The following IYD variants were observed in gnomAD, a reference collection of about 807,000 sequenced individuals.
IYD encodes the protein iodotyrosine deiodinase, also known as iodotyrosine deiodinase 1.
A neutral mutation model predicts 28.4 loss-of-function variants in IYD; 25 were observed. The observed-to-expected ratio is 0.88, with a 90% CI of 0.64 to 1.23. IYD has a LOEUF of 1.23. Among genes scored for constraint, IYD ranks in the 50% most tolerant of loss-of-function variants. IYD has a pLI of 0.00. For missense variants in IYD, 352 were observed against 357.9 expected (o/e 0.98, Z 0.13); for synonymous variants, 140 against 130.8 (o/e 1.07, Z -0.48).
rs2076286 is a variant in IYD, at chr6:150,398,244, C to A, written c.*7C>A. On this transcript the variant is annotated 3_prime_UTR_variant, in exon 5 of 5. Transcript: ENST00000344419. ...GATCATGGTGACAGTGTAGGCAGGG[C>A]CCCCCAAGGGAGTGGCAGGGAGATG... 8.7e-6 allele frequency: 14 copies of A among 1,613,450 alleles called. No homozygotes were observed. Among genetic ancestry groups the A allele is most frequent in the Non-Finnish European group, 8.5e-6 (10 of 1,179,678 alleles).
rs773756635 is a variant in IYD, at chr6:150,395,351, T to G, written c.687+1096T>G. The G allele has an allele frequency of 4.2e-6, 6 of 1,427,496 alleles. No individual in the cohort carries two copies. The East Asian group carries it at 1.5e-4, about 35-fold the overall frequency. 88.4% of individuals were successfully genotyped at this position (1,427,496 alleles called of 1,614,324 possible). On this transcript the variant is annotated intron_variant, in intron 4 of 4. Transcript: ENST00000344419. ...CTATCTCAAAGAAAAACATGTATGTTGAATAACACCTCCCAAAATGTAGTC... is the reference window on the plus strand; with the variant it reads ...CTATCTCAAAGAAAAACATGTATGTGGAATAACACCTCCCAAAATGTAGTC...
intron 2 of IYD, 157 bp from the exon 3 acceptor site, chr6:150,392,188 C>T (rs1008414347): frequency 2.1e-6 from 1 of 479,666 alleles, no homozygotes; most frequent in African/African-American, 2.3e-5. Flanking sequence ...ACCAGCACAC[C>T]CTGCTAGTTA....
At chr6:150,393,020 G>C (rs369201544) in intron 3 of IYD, among the ~76,000 whole-genome samples, 4 of 152,268 alleles carry the variant, frequency 2.6e-5, no homozygotes, top group Admixed American at 6.5e-5. Context: ...AGCACAGTCC[G>C]CGTGCTCTGT....
Position 150,392,445 on chromosome 6 carries a change from G to GGAGATCA in IYD, c.472_478dup (p.Asn160ArgfsTer25). ...TTCGAAAGATCATTGAGGAGGAAGAGGAGATCAACTACATGAAAAGGATGG... is the reference window on the plus strand; with the variant it reads ...TTCGAAAGATCATTGAGGAGGAAGAGGAGATCAGAGATCAACTACATGAAAAGGATGG... On this transcript the variant is annotated frameshift_variant, in exon 3 of 5. Coordinates refer to ENST00000344419, the MANE Select transcript of IYD (RefSeq NM_203395.3). LOFTEE classifies it high-confidence loss of function. 2 of 1,613,894 alleles carry GGAGATCA rather than the reference G, an allele frequency of 1.2e-6. No homozygotes were observed. The highest frequency in any genetic ancestry group is 1.7e-6 in the Non-Finnish European group (2 of 1,179,812).
At chr6:150,386,054 A>G (rs1030511370) in intron 1 of IYD, among the ~76,000 whole-genome samples, 7 of 151,932 alleles carry the variant, frequency 4.6e-5, no homozygotes, top group Non-Finnish European at 8.8e-5. Flanking sequence ...ATCAGTTTCT[A>G]CAGAGAACTA....
rs1279363084 is a variant in IYD at position 150,403,167 on chromosome 6, C to G, written c.*4930C>G. 2 of 152,278 alleles carry G rather than the reference C, an allele frequency of 1.3e-5. No homozygotes were observed. Among genetic ancestry groups the G allele is most frequent in the East Asian group, 3.9e-4 (2 of 5,192 alleles). The allele number at this position is 152,278 out of a possible 1,614,324, so 9.4% of individuals were successfully genotyped here. A position where few individuals can be genotyped will look rare whatever the true frequency, so the allele number is the denominator to read the frequency against. ...ATTTTAAAAGACATTTTGTAAGCATCTTTTAGGAATATCAGTAAGTGGAAG... is the reference window on the plus strand; with the variant it reads ...ATTTTAAAAGACATTTTGTAAGCATGTTTTAGGAATATCAGTAAGTGGAAG... On this transcript the variant is annotated 3_prime_UTR_variant, in exon 5 of 5. Coordinates refer to ENST00000344419, the MANE Select transcript of IYD (RefSeq NM_203395.3).
chr6:150,395,633 G>A, intron 4 of IYD: 2 of 1,252,334 alleles, frequency 1.6e-6, no homozygotes, highest in Non-Finnish European at 2.3e-6. Context: ...CTTTCATAAG[G>A]CATAATCCCG....
At chr6:150,392,576 C>A in intron 3 of IYD, 72 bp downstream of exon 3, 1 of 1,486,674 alleles carries the variant, frequency 6.7e-7, no homozygotes, top group Non-Finnish European at 9.3e-7. Flanking sequence ...CCACCATGTC[C>A]TGGCTTTGTT....
rs2115074346 is a variant in IYD at position 150,402,284 on chromosome 6, T to C, written c.*4047T>C. 1 of 152,316 alleles carries C rather than the reference T, an allele frequency of 6.6e-6. No individual in the cohort carries two copies. The highest frequency in any genetic ancestry group is 3.4e-3 in the Middle Eastern group (1 of 294). 9.4% of individuals were successfully genotyped at this position (152,316 alleles called of 1,614,324 possible). A position where few individuals can be genotyped will look rare whatever the true frequency, so the allele number is the denominator to read the frequency against. On this transcript the variant is annotated 3_prime_UTR_variant, in exon 5 of 5. Transcript: ENST00000344419. The stretch of plus-strand genomic sequence containing the variant: ...TAGAGGCAGCAGGGGGAGAAAACAC[T>C]GGAAGAGGTCACCCCAACAATTCCA...
At chr6:150,387,707 T>C (rs568840962) in intron 1 of IYD, among the ~76,000 whole-genome samples, 6 of 152,150 alleles carry the variant, frequency 3.9e-5, no homozygotes, top group Non-Finnish European at 8.8e-5. Flanking sequence ...AATTTTTCTG[T>C]AGCTAGTGTA....
intron 1 of IYD, among the ~76,000 whole-genome samples, chr6:150,376,842 G>C (rs940944077): frequency 6.6e-6 from 1 of 151,964 alleles, no homozygotes; most frequent in Admixed American, 6.5e-5. Context: ...GGCTGGTCTC[G>C]AACTCCTGGG....
intron 1 of IYD, chr6:150,370,808 G>A (rs1000915767): frequency 3.5e-6 from 1 of 283,854 alleles, no homozygotes; most frequent in African/African-American, 2.3e-5. Flanking sequence ...GAGAGAGGGA[G>A]AGTTGGAGAC....
intron 1 of IYD, among the ~76,000 whole-genome samples, chr6:150,373,896 C>T (rs796681974): frequency 1.1e-4 from 16 of 152,288 alleles, no homozygotes; most frequent in African/African-American, 3.8e-4. Context: ...TTGCTAGACT[C>T]CTGTAAGACC....
intron 1 of IYD, among the ~76,000 whole-genome samples, chr6:150,378,644 G>A (rs1253720797): frequency 6.6e-6 from 1 of 152,164 alleles, no homozygotes; most frequent in African/African-American, 2.4e-5. Context: ...GGAAACAACA[G>A]GTGCTGGAGA....
At chr6:150,379,491 TTC>T (rs1466430524) in intron 1 of IYD, among the ~76,000 whole-genome samples, 1 of 152,220 alleles carries the variant, frequency 6.6e-6, no homozygotes, top group East Asian at 1.9e-4. Flanking sequence ...GTACCATCCC[TTC>T]TTATTCTCTG....
At chr6:150,380,558 A>G (rs2115028610) in intron 1 of IYD, among the ~76,000 whole-genome samples, 1 of 152,308 alleles carries the variant, frequency 6.6e-6, no homozygotes, top group South Asian at 2.1e-4. Context: ...ATAAGATTTA[A>G]AAAAGGCTGA....
At chr6:150,372,387 G>A (rs1354820886) in intron 1 of IYD, among the ~76,000 whole-genome samples, 1 of 97,800 alleles carries the variant, frequency 1.0e-5, no homozygotes, top group African/African-American at 3.2e-5. Context: ...TGTGGGGGTG[G>A]GGTGGGGAGT....
At chr6:150,383,476 A>T (rs1277723330) in intron 1 of IYD, among the ~76,000 whole-genome samples, 2 of 152,222 alleles carry the variant, frequency 1.3e-5, no homozygotes. Flanking sequence ...ACAGATGAGC[A>T]TTCCAATGCA....
At position 150,401,049 on chromosome 6, in the gene IYD, T is replaced by G. The variant is rs1046985598; in HGVS notation, c.*2812T>G. 1.3e-5 allele frequency: 2 copies of G among 152,174 alleles called. No individual in the cohort carries two copies. The highest frequency in any genetic ancestry group is 4.8e-5 in the African/African-American group (2 of 41,438). The allele number at this position is 152,174 out of a possible 1,614,324, so 9.4% of individuals were successfully genotyped here. A position where few individuals can be genotyped will look rare whatever the true frequency, so the allele number is the denominator to read the frequency against. On this transcript the variant is annotated 3_prime_UTR_variant, in exon 5 of 5. Transcript: ENST00000344419. ...AAAAAGGTGTGTGTATAGGTGTGTG[T>G]TTGGAGAGTGTGAGCGAGAACTAAC... is the stretch of plus-strand genomic sequence containing the variant.
Sources: gnomAD v4.1 joint callset for allele counts (sites outside exome capture counted in the v4.1 genomes callset) on GRCh38, gnomAD v4.1.1 for gene constraint, MANE v1.5 for transcripts, NCBI Gene and HGNC (gene_info 2026-07-23, HGNC 2026-07-21) for gene names.